The following HS3ST5 variants were observed in gnomAD, a reference collection of about 807,000 sequenced individuals.
The protein encoded by HS3ST5 is heparan sulfate glucosamine 3-O-sulfotransferase 5.
In HS3ST5, 10 loss-of-function variants were observed where a neutral mutation model predicts 25.4. That is an observed-to-expected ratio of 0.39 (90% CI 0.24 to 0.67). The LOEUF (loss-of-function observed/expected upper bound fraction) is 0.67. HS3ST5 is among the 30% of genes least tolerant of loss of function. The pLI, the probability that HS3ST5 is intolerant of heterozygous loss-of-function variation, is 0.44. For missense variants in HS3ST5, 324 were observed against 420.7 expected (o/e 0.77, Z 2.01); for synonymous variants, 170 against 162.4 (o/e 1.05, Z -0.36).
At chr6:114,219,392 GAA>G (rs755592543) in intron 2 of HS3ST5, among the ~76,000 whole-genome samples, 11 of 152,120 alleles carry the variant, frequency 7.2e-5, no homozygotes, top group Non-Finnish European at 1.3e-4. Context: ...ATTCAACTAT[GAA>G]GTGATTAAAA....
Position 114,135,896 on chromosome 6 carries a change from G to A in HS3ST5, c.-33+32455C>T, listed in dbSNP as rs141658985. Among the ~76,000 whole-genome samples, 1,454 of 152,246 alleles carry A rather than the reference G, an allele frequency of 9.6e-3. 13 individuals carry two copies. The highest frequency in any genetic ancestry group is 0.01 in the Non-Finnish European group (708 of 68,022). On this transcript the variant is annotated intron_variant, in intron 3 of 4. Transcript: ENST00000312719. ...GGGCTTTATCACTGGAGCCCAGGTT[G>A]CATCCCCCTTGTCTGCTTTGTTTTC...
In HS3ST5 at chr6:114,342,815, G is replaced by A. The variant is rs1231982089; in HGVS notation, c.-959C>T. On this transcript the variant is annotated 5_prime_UTR_variant, in exon 1 of 5. Coordinates refer to ENST00000312719, the MANE Select transcript of HS3ST5 (RefSeq NM_153612.4). Reference sequence around the variant, plus strand: ...TGGGATCTTCCCTTCCTGCGTCCTCGAGCCTCCGGTGCCAAGCTGTGCGGG... The same window carrying A: ...TGGGATCTTCCCTTCCTGCGTCCTCAAGCCTCCGGTGCCAAGCTGTGCGGG... The A allele has an allele frequency of 5.9e-5, 9 of 152,248 alleles. No homozygotes were observed. The highest frequency in any genetic ancestry group is 5.9e-4 in the Admixed American group (9 of 15,268). 9.4% of individuals were successfully genotyped at this position (152,248 alleles called of 1,614,324 possible).
At chr6:114,122,335 A>G (rs1776832366) in intron 3 of HS3ST5, among the ~76,000 whole-genome samples, 1 of 152,186 alleles carries the variant, frequency 6.6e-6, no homozygotes, top group Non-Finnish European at 1.5e-5. Flanking sequence ...CACACAATTT[A>G]GTGAGATCCT....
chr6:114,298,000 C>A (rs377273645), intron 1 of HS3ST5, among the ~76,000 whole-genome samples: 1 of 152,180 alleles, frequency 6.6e-6, no homozygotes, highest in African/African-American at 2.4e-5. Flanking sequence ...TGTCTCCTGT[C>A]CCTCTACCCC....
intron 3 of HS3ST5, among the ~76,000 whole-genome samples, chr6:114,157,421 G>T (rs955279081): frequency 6.6e-6 from 1 of 152,054 alleles, no homozygotes. Flanking sequence ...GTTGCCAGGG[G>T]CTGGGAGTTG....
intron 2 of HS3ST5, among the ~76,000 whole-genome samples, 181 bp from the exon 3 acceptor site, chr6:114,168,643 T>A (rs1015970669): frequency 2.0e-5 from 3 of 152,136 alleles, no homozygotes; most frequent in African/African-American, 7.2e-5. Flanking sequence ...TATTGAACAA[T>A]TTGCAGGGGA....
At chr6:114,244,601 C>G (rs931653328) in intron 1 of HS3ST5, among the ~76,000 whole-genome samples, 1 of 152,152 alleles carries the variant, frequency 6.6e-6, no homozygotes, top group Non-Finnish European at 1.5e-5. Context: ...AAGTCACTGT[C>G]CCTGTATCTG....
intron 2 of HS3ST5, among the ~76,000 whole-genome samples, chr6:114,218,337 A>G (rs1425545812): frequency 6.6e-6 from 1 of 151,992 alleles, no homozygotes; most frequent in Non-Finnish European, 1.5e-5. Flanking sequence ...GTAAGTGATG[A>G]CTCTCAGTGC....
intron 1 of HS3ST5, among the ~76,000 whole-genome samples, chr6:114,285,658 T>C (rs1234845965): frequency 6.6e-6 from 1 of 151,540 alleles, no homozygotes; most frequent in African/African-American, 2.4e-5. Context: ...AACACACACT[T>C]GGGCCTGTCA....
chr6:114,298,938 G>C (rs1458001365), intron 1 of HS3ST5, among the ~76,000 whole-genome samples: 2 of 152,142 alleles, frequency 1.3e-5, no homozygotes, highest in Non-Finnish European at 2.9e-5. Context: ...GAGCATGCGT[G>C]TTTGAACAAT....
rs183411454 is a variant in HS3ST5 at position 114,311,236 on chromosome 6, G to A, written c.-339+30959C>T. 8.0e-3 allele frequency among the ~76,000 whole-genome samples: 1,214 copies of A among 151,270 alleles called. 22 individuals are homozygous for A. Among genetic ancestry groups the A allele is most frequent in the Non-Finnish European group, 1.0e-2 (676 of 67,732 alleles). On this transcript the variant is annotated intron_variant, in intron 1 of 4. Transcript: ENST00000312719. ...CAAATAATAAAATCTGATGCTATTC[G>A]ACCTTCATTTACTAAGATATAGAGA... is the stretch of plus-strand genomic sequence containing the variant.
intron 3 of HS3ST5, among the ~76,000 whole-genome samples, chr6:114,090,141 C>A (rs1290795131): frequency 6.6e-6 from 1 of 152,114 alleles, no homozygotes; most frequent in East Asian, 1.9e-4. Flanking sequence ...ATAATGCAGT[C>A]CGTGCTTTTA....
chr6:114,087,903 C>T (rs898271422), intron 3 of HS3ST5, among the ~76,000 whole-genome samples: 1 of 152,122 alleles, frequency 6.6e-6, no homozygotes, highest in Non-Finnish European at 1.5e-5. Context: ...CCTCTAAAAC[C>T]CCGTAATAAC....
intron 1 of HS3ST5, chr6:114,235,564 T>C (rs950803606): frequency 6.6e-6 from 1 of 152,180 alleles, no homozygotes; most frequent in African/African-American, 2.4e-5. Flanking sequence ...CTAAAATTGT[T>C]AATACAGGAA....
intron 1 of HS3ST5, among the ~76,000 whole-genome samples, chr6:114,321,467 T>A (rs932947830): frequency 6.6e-6 from 1 of 152,132 alleles, no homozygotes; most frequent in African/African-American, 2.4e-5. Context: ...CTTAGCACTT[T>A]CTGGCTTGAG....
At chr6:114,106,992 A>G (rs1428701996) in intron 3 of HS3ST5, among the ~76,000 whole-genome samples, 1 of 152,120 alleles carries the variant, frequency 6.6e-6, no homozygotes, top group Non-Finnish European at 1.5e-5. Context: ...CTGAACAAAA[A>G]GACTTGGGTT....
intron 3 of HS3ST5, among the ~76,000 whole-genome samples, chr6:114,165,377 G>A (rs1779158554): frequency 1.3e-5 from 2 of 152,298 alleles, no homozygotes; most frequent in East Asian, 3.9e-4. Context: ...ATCCCTGCAT[G>A]AGCATGGGCT....
chr6:114,244,252 T>C (rs1255651525), intron 1 of HS3ST5, among the ~76,000 whole-genome samples: 1 of 152,196 alleles, frequency 6.6e-6, no homozygotes, highest in Non-Finnish European at 1.5e-5. Flanking sequence ...CTTAGATTGG[T>C]GTTTGTGGAT....
At chr6:114,174,722 C>T (rs1431735806) in intron 2 of HS3ST5, among the ~76,000 whole-genome samples, 6 of 152,064 alleles carry the variant, frequency 3.9e-5, no homozygotes, top group Non-Finnish European at 7.4e-5. Flanking sequence ...AGGCCGGGCA[C>T]GGTGGCTCAC....
Sources: gnomAD v4.1 joint callset for allele counts (sites outside exome capture counted in the v4.1 genomes callset) on GRCh38, gnomAD v4.1.1 for gene constraint, MANE v1.5 for transcripts, NCBI Gene and HGNC (gene_info 2026-07-23, HGNC 2026-07-21) for gene names.